The following XG variants were observed in gnomAD, a reference collection of about 807,000 sequenced individuals.
XG encodes the protein glycoprotein Xg.
In XG, 24 loss-of-function variants were observed where a neutral mutation model predicts 25.7. That is an observed-to-expected ratio of 0.93 (90% confidence interval 0.68 to 1.31). XG has a LOEUF of 1.31. Among genes scored for constraint, XG ranks in the 40% most tolerant of loss-of-function variants. The pLI, the probability that XG is intolerant of heterozygous loss-of-function variation, is 0.00. For missense variants in XG, 181 were observed against 187.6 expected (o/e 0.96, Z 0.21); for synonymous variants, 77 against 69.2 (o/e 1.11, Z -0.56).
rs772692235 is a variant in XG, at chrX:2,782,133, G to C, written c.190+5G>C. 8.3e-7 allele frequency: 1 copy of C among 1,209,579 alleles called. No homozygotes were observed. The highest frequency in any genetic ancestry group is 1.1e-6 in the Non-Finnish European group (1 of 894,585). On this transcript the variant is annotated splice_donor_5th_base_variant and intron_variant, in intron 4 of 10. Coordinates refer to ENST00000644266, the MANE Select transcript of XG (RefSeq NM_001141919.2). Reference sequence around the variant, plus strand: ...AGAATCCCGACAGCGGTGGAAGTAAGAATCCGCAGGCCTGAAACTCTTTCT... The same window carrying C: ...AGAATCCCGACAGCGGTGGAAGTAACAATCCGCAGGCCTGAAACTCTTTCT...
intron 1 of XG, among the ~76,000 whole-genome samples, chrX:2,761,007 T>G (rs1042087225): frequency 2.6e-5 from 4 of 151,664 alleles, no homozygotes; most frequent in African/African-American, 9.7e-5. Context: ...AACAGCCTGG[T>G]CTGTGGGACT....
intron 7 of XG, 22 bp downstream of exon 7, chrX:2,797,382 CGAT>C: frequency 2.1e-6 from 2 of 956,959 alleles, no homozygotes; most frequent in Non-Finnish European, 2.9e-6. Flanking sequence ...TCTGGGCATG[CGAT>C]GGTGGGTGGA....
chrX:2,761,214 T>G (rs1193594765), intron 1 of XG, among the ~76,000 whole-genome samples: 2 of 152,172 alleles, frequency 1.3e-5, no homozygotes, highest in Non-Finnish European at 2.9e-5. Context: ...GGTTGTGCCC[T>G]GATCCAATAG....
chrX:2,757,158 C>T (rs2050454165), intron 1 of XG, among the ~76,000 whole-genome samples: 1 of 152,030 alleles, frequency 6.6e-6, no homozygotes. Context: ...CTCCAACCAT[C>T]CCCAGCTGAA....
At chrX:2,758,513 C>T (rs1437524884) in intron 1 of XG, among the ~76,000 whole-genome samples, 1 of 152,240 alleles carries the variant, frequency 6.6e-6, no homozygotes, top group Admixed American at 6.5e-5. Flanking sequence ...GGAGGCAGCT[C>T]TGTGCTCTCC....
intron 5 of XG, among the ~76,000 whole-genome samples, chrX:2,791,177 C>T (rs755912765): frequency 2.4e-4 from 26 of 110,406 alleles, no homozygotes; most frequent in Non-Finnish European, 4.7e-4. Context: ...AATTGTGTCT[C>T]ACGAACGTGA....
chrX:2,772,142 G>T (rs955475790), intron 2 of XG, among the ~76,000 whole-genome samples: 1 of 152,166 alleles, frequency 6.6e-6, no homozygotes, highest in African/African-American at 2.4e-5. Context: ...TGGCTGGTAG[G>T]CTCAGATACA....
intron 3 of XG, among the ~76,000 whole-genome samples, chrX:2,779,648 T>TTTTA (rs1218996793): frequency 1.3e-5 from 2 of 152,030 alleles, no homozygotes; most frequent in East Asian, 3.9e-4. Context: ...TCCTGTATAT[T>TTTTA]TTTATTTATT....
chrX:2,804,237 G>A (rs2086971972), intron 7 of XG, among the ~76,000 whole-genome samples: 1 of 112,855 alleles, frequency 8.9e-6, no homozygotes, highest in African/African-American at 3.2e-5. Context: ...GGAAAAGGCT[G>A]TGATCAGTTT....
chrX:2,753,677 C>T (rs1261028327), intron 1 of XG, among the ~76,000 whole-genome samples: 5 of 151,722 alleles, frequency 3.3e-5, no homozygotes, highest in South Asian at 2.1e-4. Flanking sequence ...CCACCTCCTA[C>T]GTTCAAGCAA....
chrX:2,807,854 G>C (rs1423038744), intron 8 of XG, among the ~76,000 whole-genome samples: 1 of 111,598 alleles, frequency 9.0e-6, no homozygotes, highest in African/African-American at 3.3e-5. Flanking sequence ...TATGAATGGC[G>C]TGCGTGTGTG....
At chrX:2,776,591 A>C (rs1226680737) in intron 3 of XG, among the ~76,000 whole-genome samples, 1 of 152,078 alleles carries the variant, frequency 6.6e-6, no homozygotes, top group East Asian at 1.9e-4. Context: ...TCAGGTGGAA[A>C]GAAGGCTAGG....
chrX:2,767,910 C>T (rs2050735262), intron 1 of XG, among the ~76,000 whole-genome samples: 2 of 152,174 alleles, frequency 1.3e-5, no homozygotes, highest in South Asian at 4.1e-4. Flanking sequence ...AGTGCAACCC[C>T]TGAAACCAAG....
At chrX:2,775,656 A>G (rs1175508990) in intron 3 of XG, among the ~76,000 whole-genome samples, 2 of 152,118 alleles carry the variant, frequency 1.3e-5, no homozygotes, top group African/African-American at 2.4e-5. Context: ...TTTATTTTCA[A>G]TTAAAAAGGT....
At chrX:2,763,165 C>T (rs772297724) in intron 1 of XG, among the ~76,000 whole-genome samples, 1 of 152,168 alleles carries the variant, frequency 6.6e-6, no homozygotes, top group African/African-American at 2.4e-5. Flanking sequence ...TACAGGTGCA[C>T]ACCACCACGC....
chrX:2,761,910 A>C (rs1017915817), intron 1 of XG, among the ~76,000 whole-genome samples: 9 of 152,178 alleles, frequency 5.9e-5, no homozygotes, highest in African/African-American at 2.2e-4. Context: ...TTGGGATTGC[A>C]TTGTAACAAC....
intron 4 of XG, among the ~76,000 whole-genome samples, chrX:2,785,164 C>T (rs758723349): frequency 2.3e-4 from 26 of 112,189 alleles, no homozygotes; most frequent in African/African-American, 7.8e-4. Context: ...AGTCCTTGAT[C>T]GGCCTTTTAC....
intron 7 of XG, among the ~76,000 whole-genome samples, chrX:2,799,510 T>C (rs1232319558): frequency 9.0e-6 from 1 of 111,128 alleles, no homozygotes; most frequent in Middle Eastern, 4.6e-3. Flanking sequence ...TAAGATGGCA[T>C]AGACAAATGG....
chrX:2,765,886 A>G (rs1449052685), intron 1 of XG, among the ~76,000 whole-genome samples: 1 of 152,272 alleles, frequency 6.6e-6, no homozygotes, highest in African/African-American at 2.4e-5. Context: ...CTGAAGCATT[A>G]CTGAAAATCA....
Sources: allele counts gnomAD v4.1 joint callset (sites outside exome capture counted in the v4.1 genomes callset), GRCh38; gene constraint gnomAD v4.1.1; transcripts MANE v1.5; gene names NCBI Gene and HGNC (gene_info 2026-07-23, HGNC 2026-07-21).